PSMG4: variants seen among roughly 807,000 people sequenced by gnomAD.
The protein encoded by PSMG4 is proteasome (prosome, macropain) assembly chaperone 4.
A neutral mutation model predicts 11.0 loss-of-function variants in PSMG4; 10 were observed. The ratio of observed to expected loss-of-function variants is 0.91; its 90% CI spans 0.56 to 1.54. The LOEUF (loss-of-function observed/expected upper bound fraction) is 1.54. Among genes scored for constraint, PSMG4 ranks in the 40% most tolerant of loss-of-function variants. The pLI, the probability that PSMG4 is intolerant of heterozygous loss-of-function variation, is 0.00. For synonymous variants in PSMG4, 95 were observed against 71.3 expected, an observed-to-expected ratio of 1.33 and a Z score of -1.68; for missense variants, 198 against 160.9, an observed-to-expected ratio of 1.23 and a Z score of -1.25.
Position 3,259,150 on chromosome 6 carries a change from C to T in PSMG4, c.128C>T (p.Ala43Val). Reference protein sequence around the residue: ...LTDSLFLWVGATPHLRNLAVA... With the variant: ...LTDSLFLWVGVTPHLRNLAVA... Reference sequence around the variant, plus strand: ...GACTCGCTGTTCCTGTGGGTGGGGGCCACGCCGCACCTGCGCAACCTCGCC... The same window carrying T: ...GACTCGCTGTTCCTGTGGGTGGGGGTCACGCCGCACCTGCGCAACCTCGCC... Residue 43 changes from alanine to valine, a missense_variant, in exon 1 of 3, where the codon GCC becomes GTC. Coordinates refer to ENST00000438998, the MANE Select transcript of PSMG4 (RefSeq NM_001128591.2). 2.3e-6 allele frequency: 3 copies of T among 1,304,934 alleles called. No homozygotes were observed. Among genetic ancestry groups the T allele is most frequent in the South Asian group, 2.4e-5 (1 of 41,596 alleles). The allele number at this position is 1,304,934 out of a possible 1,614,324, so 80.8% of individuals were successfully genotyped here.
chr6:3,254,789 C>T (rs972915837), upstream of PSMG4, among the ~76,000 whole-genome samples: 8 of 152,156 alleles, frequency 5.3e-5, no homozygotes, highest in South Asian at 2.1e-4. Flanking sequence ...TGGCTGAATG[C>T]TTGGGGTCAG....
upstream of PSMG4, among the ~76,000 whole-genome samples, chr6:3,254,435 C>T (rs78455263): frequency 4.9e-4 from 63 of 128,046 alleles, no homozygotes; most frequent in South Asian, 8.1e-4. Flanking sequence ...TGGCTTTGTG[C>T]TGTAATAGTT....
chr6:3,254,637 T>A (rs767264688), upstream of PSMG4, among the ~76,000 whole-genome samples: 1 of 152,162 alleles, frequency 6.6e-6, no homozygotes, highest in Non-Finnish European at 1.5e-5. Flanking sequence ...TAACACTGAT[T>A]GTGAAGGCCT....
upstream of PSMG4, among the ~76,000 whole-genome samples, chr6:3,254,736 C>G (rs9503495): frequency 4.6e-5 from 7 of 152,176 alleles, no homozygotes; most frequent in East Asian, 7.8e-4. Flanking sequence ...AACAAACTCC[C>G]CCTGTGCCTC....
intron 2 of PSMG4, chr6:3,264,250 G>C (rs1405858179): frequency 1.3e-6 from 2 of 1,551,370 alleles, no homozygotes; most frequent in Admixed American, 2.0e-5. Context: ...GTGTGGCGTA[G>C]AGTGGGGATT....
upstream of PSMG4, among the ~76,000 whole-genome samples, chr6:3,254,611 G>A (rs747444576): frequency 7.2e-5 from 11 of 152,116 alleles, no homozygotes; most frequent in South Asian, 6.2e-4. Flanking sequence ...TCCAGTAGGC[G>A]TAGCTTTAAG....
chr6:3,256,039 C>T (rs780732022), upstream of PSMG4, among the ~76,000 whole-genome samples: 3 of 152,240 alleles, frequency 2.0e-5, no homozygotes, highest in Non-Finnish European at 4.4e-5. Flanking sequence ...CAATTGCCAT[C>T]TTCCAGGACT....
intron 1 of PSMG4, 83 bp downstream of exon 1, chr6:3,259,279 CT>C: frequency 8.5e-7 from 1 of 1,170,416 alleles, no homozygotes; most frequent in African/African-American, 1.6e-5. Context: ...GCCCCCCAGG[CT>C]TCTCTTGGGT....
upstream of PSMG4, among the ~76,000 whole-genome samples, chr6:3,257,075 T>C (rs750086454): frequency 2.0e-5 from 3 of 152,116 alleles, no homozygotes; most frequent in Non-Finnish European, 4.4e-5. Flanking sequence ...AAAGATAGGG[T>C]CCAATGAAGA....
intron 1 of PSMG4, among the ~76,000 whole-genome samples, chr6:3,262,661 C>G (rs1037246820): frequency 6.6e-6 from 1 of 152,124 alleles, no homozygotes; most frequent in Non-Finnish European, 1.5e-5. Flanking sequence ...GCAGGGGAAC[C>G]AAACCCCAAA....
Position 3,260,673 on chromosome 6 carries a change from C to T in PSMG4, c.174+1477C>T, listed in dbSNP as rs558919485. Among the ~76,000 whole-genome samples the T allele has an allele frequency of 1.5e-3, 222 of 152,322 alleles. 1 individual carries two copies. Among genetic ancestry groups the T allele is most frequent in the Non-Finnish European group, 2.2e-3 (152 of 68,028 alleles). ...CATCTTATTTACATCTGCAGAGACC[C>T]TGTTTACAAACAAGGTCACATTCAT... On this transcript the variant is annotated intron_variant, in intron 1 of 2. Transcript: ENST00000438998.
upstream of PSMG4, among the ~76,000 whole-genome samples, chr6:3,257,592 A>C (rs187088982): frequency 3.8e-3 from 572 of 152,280 alleles, 2 homozygotes; most frequent in Middle Eastern, 0.014. Context: ...CCATTGACAC[A>C]CAAGCAGATG....
chr6:3,255,226 T>G (rs779636811), upstream of PSMG4: 22 of 1,549,690 alleles, frequency 1.4e-5, no homozygotes, highest in East Asian at 2.9e-4. Context: ...CAAAATCAAC[T>G]CTGGTAAGCC....
chr6:3,254,760 A>G (rs1479498451), upstream of PSMG4, among the ~76,000 whole-genome samples: 2 of 152,190 alleles, frequency 1.3e-5, no homozygotes, highest in African/African-American at 4.8e-5. Context: ...TAAAAACTGT[A>G]ATGCTCACCT....
At chr6:3,256,217 C>G (rs1305848249), upstream of PSMG4, among the ~76,000 whole-genome samples, 2 of 152,212 alleles carry the variant, frequency 1.3e-5, no homozygotes, top group African/African-American at 4.8e-5. Context: ...GTTTTCTCCA[C>G]TATGATAGCT....
intron 2 of PSMG4, 173 bp downstream of exon 2, chr6:3,263,932 C>A: frequency 7.1e-7 from 1 of 1,409,600 alleles, no homozygotes; most frequent in Non-Finnish European, 9.4e-7. Context: ...GGGCACATTC[C>A]ATGCTCGCCT....
Position 3,263,665 on chromosome 6 carries a change from C to A in PSMG4, c.175-19C>A. 1 of 1,529,244 alleles carries A rather than the reference C, an allele frequency of 6.5e-7. No individual in the cohort carries two copies. The highest frequency in any genetic ancestry group is 2.1e-5 in the Admixed American group (1 of 47,418). The allele number at this position is 1,529,244 out of a possible 1,614,324, so 94.7% of individuals were successfully genotyped here. On this transcript the variant is annotated intron_variant, in intron 1 of 2. Transcript: ENST00000438998. ...CGGGGGGTGGAGAAGCTGCAGTGTG[C>A]CCTTTGCTTTTCTTTTAGGACTCCA...
intron 1 of PSMG4, among the ~76,000 whole-genome samples, chr6:3,261,012 C>G (rs1452582651): frequency 6.6e-6 from 1 of 152,110 alleles, no homozygotes; most frequent in African/African-American, 2.4e-5. Flanking sequence ...GGGTGAGCGT[C>G]TGTTTCTCTA....
chr6:3,255,051 G>T, upstream of PSMG4: 1 of 1,550,696 alleles, frequency 6.4e-7, no homozygotes, highest in South Asian at 1.2e-5. Flanking sequence ...CTCTGGACAG[G>T]AACAAACACA....
Sources: gnomAD v4.1 joint callset for allele counts (sites outside exome capture counted in the v4.1 genomes callset) on GRCh38, gnomAD v4.1.1 for gene constraint, MANE v1.5 for transcripts, NCBI Gene and HGNC (gene_info 2026-07-23, HGNC 2026-07-21) for gene names.